NECTIN1: variants seen among roughly 807,000 people sequenced by gnomAD.
NECTIN1 encodes nectin cell adhesion molecule 1.
In NECTIN1, 23 loss-of-function variants were observed where a neutral mutation model predicts 48.0. The observed-to-expected ratio is 0.48, with a 90% CI of 0.34 to 0.68. The LOEUF (loss-of-function observed/expected upper bound fraction) is 0.68, where lower values mean the gene tolerates loss of function less well. Among genes scored for constraint, NECTIN1 ranks in the 30% least tolerant of loss-of-function variants. The pLI, the probability that NECTIN1 is intolerant of heterozygous loss-of-function variation, is 0.01. For missense variants in NECTIN1, 591 were observed against 709.9 expected, an observed-to-expected ratio of 0.83 and a Z score of 1.90; for synonymous variants, 270 against 288.9, an observed-to-expected ratio of 0.93 and a Z score of 0.66.
chr11:119,683,960 A>G lies in NECTIN1; in HGVS notation c.80-5195T>C, dbSNP rs994161945. On this transcript the variant is annotated intron_variant, in intron 1 of 5. Coordinates refer to ENST00000264025, the MANE Select transcript of NECTIN1 (RefSeq NM_002855.5). The surrounding 1 kb of genome is among the most constrained non-coding windows in gnomAD (Gnocchi z 4.0). ...CCCCCTGAGACGTCACAGACCTGCA[A>G]ACGCCTGAGCTCAGCAACAAAACAC... Among the ~76,000 whole-genome samples, 1 of 152,100 alleles carries G rather than the reference A, an allele frequency of 6.6e-6. No homozygotes were observed. The highest frequency in any genetic ancestry group is 2.4e-5 in the African/African-American group (1 of 41,416).
chr11:119,701,061 G>A lies in NECTIN1; in HGVS notation c.80-22296C>T, dbSNP rs559439605. 1.7e-4 allele frequency among the ~76,000 whole-genome samples: 26 copies of A among 152,276 alleles called. No individual in the cohort carries two copies. In the East Asian group the frequency reaches 4.8e-3, roughly 28 times the overall value. ...GGGTACGGGTGTGTGCTCAGGAGGG[G>A]AGGCTGGGGAGCAGGGTGCTTGCTC... On this transcript the variant is annotated intron_variant, in intron 1 of 5. Coordinates refer to ENST00000264025, the MANE Select transcript of NECTIN1 (RefSeq NM_002855.5).
chr11:119,707,861 A>C (rs573797713), intron 1 of NECTIN1, among the ~76,000 whole-genome samples: 2 of 152,334 alleles, frequency 1.3e-5, no homozygotes, highest in East Asian at 3.9e-4. Context: ...TTTAATTCAC[A>C]AAGCATTACT....
At chr11:119,674,586 C>A in intron 5 of NECTIN1, 4 of 1,614,202 alleles carry the variant, frequency 2.5e-6, no homozygotes, top group Non-Finnish European at 2.5e-6. Flanking sequence ...CAGGTGAAGT[C>A]TCTCCTCAGA....
At chr11:119,699,102 A>G (rs990374339) in intron 1 of NECTIN1, among the ~76,000 whole-genome samples, 28 of 152,160 alleles carry the variant, frequency 1.8e-4, no homozygotes, top group African/African-American at 6.5e-4. Context: ...GTAGGGGCCC[A>G]GGAGAGCTCT....
At chr11:119,703,656 C>T (rs759316554) in intron 1 of NECTIN1, among the ~76,000 whole-genome samples, 2 of 152,210 alleles carry the variant, frequency 1.3e-5, no homozygotes, top group African/African-American at 2.4e-5. Flanking sequence ...CTCCCAACAA[C>T]GAGGCTGACG....
In NECTIN1 at chr11:119,683,713, C is replaced by G. The variant is rs1270326659; in HGVS notation, c.80-4948G>C. On this transcript the variant is annotated intron_variant, in intron 1 of 5. Transcript: ENST00000264025. This position sits in a 1 kb window ranked among gnomAD's most constrained non-coding sequence, Gnocchi z 4.0. ...AACCTGTGCCCTCAGCAGAGGGGCT[C>G]TTGCATCCCACAGATATCAAAAGAA... Among the ~76,000 whole-genome samples, 5 of 151,920 alleles carry G rather than the reference C, an allele frequency of 3.3e-5. No individual in the cohort carries two copies. Among genetic ancestry groups the G allele is most frequent in the African/African-American group, 1.2e-4 (5 of 41,326 alleles).
intron 5 of NECTIN1, among the ~76,000 whole-genome samples, chr11:119,669,928 T>C (rs2135546183): frequency 6.6e-6 from 1 of 152,272 alleles, no homozygotes; most frequent in African/African-American, 2.4e-5. Context: ...TTACTCTCTT[T>C]TTTTCCTCCT....
intron 5 of NECTIN1, chr11:119,640,020 CAA>C: frequency 6.2e-7 from 1 of 1,606,976 alleles, no homozygotes; most frequent in Non-Finnish European, 8.5e-7. Flanking sequence ...TTTCTGGAAA[CAA>C]AAGACAGGGA....
intron 5 of NECTIN1, chr11:119,641,583 T>TC (rs35238069): frequency 0.13 from 20,081 of 152,088 alleles, 1,997 homozygotes; most frequent in African/African-American, 0.28. Context: ...CTCTCTTTCT[T>TC]CCCCTTCTTT....
chr11:119,689,746 T>C (rs1865219729), intron 1 of NECTIN1, among the ~76,000 whole-genome samples: 1 of 152,118 alleles, frequency 6.6e-6, no homozygotes, highest in Non-Finnish European at 1.5e-5. Flanking sequence ...CTCGAGAAGG[T>C]CTTGGTCTCA....
chr11:119,716,521 G>C (rs945773665), intron 1 of NECTIN1, among the ~76,000 whole-genome samples: 1 of 152,234 alleles, frequency 6.6e-6, no homozygotes, highest in African/African-American at 2.4e-5. Context: ...CGCTGACACA[G>C]GTAAGTCATA....
chr11:119,719,704 A>G (rs917592650), intron 1 of NECTIN1, among the ~76,000 whole-genome samples: 3 of 152,182 alleles, frequency 2.0e-5, no homozygotes, highest in Admixed American at 6.5e-5. Flanking sequence ...CTGGTCCCCT[A>G]TGCCAGGCCC....
At position 119,641,674 on chromosome 11, in the gene NECTIN1, G is replaced by GT. The variant is rs113105186; in HGVS notation, c.1004-1663dup. The GT allele has an allele frequency of 9.6e-4, 146 of 152,642 alleles. 1 individual carries two copies. Among genetic ancestry groups the GT allele is most frequent in the African/African-American group, 3.4e-3 (141 of 41,554 alleles). 9.5% of individuals were successfully genotyped at this position (152,642 alleles called of 1,614,324 possible). A position where few individuals can be genotyped will look rare whatever the true frequency, so the allele number is the denominator to read the frequency against. On this transcript the variant is annotated intron_variant, in intron 5 of 7. Transcript: ENST00000341398. ...TCCCTGCCTCCTCCACTGGAATGGG[G>GT]TTCCTCCTCTGGACTTCCCCTGCAC...
chr11:119,725,480 A>G (rs1467816458), intron 1 of NECTIN1, among the ~76,000 whole-genome samples: 1 of 152,190 alleles, frequency 6.6e-6, no homozygotes, highest in Non-Finnish European at 1.5e-5. Context: ...CTAGAATCCA[A>G]TTCCAAGGCA....
chr11:119,715,696 T>C (rs1298588718), intron 1 of NECTIN1, among the ~76,000 whole-genome samples: 1 of 152,100 alleles, frequency 6.6e-6, no homozygotes, highest in Admixed American at 6.5e-5. Flanking sequence ...TGAAGGAGAA[T>C]GCAGGCCCCT....
At chr11:119,659,807 G>A (rs1396894746), downstream of NECTIN1, among the ~76,000 whole-genome samples, 1 of 152,232 alleles carries the variant, frequency 6.6e-6, no homozygotes, top group Non-Finnish European at 1.5e-5. Flanking sequence ...AGGACGTTCT[G>A]TCCACTGCTC....
intron 1 of NECTIN1, among the ~76,000 whole-genome samples, chr11:119,720,005 G>A (rs183285635): frequency 1.3e-5 from 2 of 152,340 alleles, no homozygotes; most frequent in East Asian, 1.9e-4. Context: ...GCAGGAAAGC[G>A]CTGGGCATGG....
At chr11:119,651,975 A>C (rs1864498002) in intron 5 of NECTIN1, among the ~76,000 whole-genome samples, 3 of 152,122 alleles carry the variant, frequency 2.0e-5, no homozygotes, top group Admixed American at 2.0e-4. Context: ...CCTGGTGAGA[A>C]GTGGCAGAGC....
rs917423435 is a variant in NECTIN1 at position 119,672,135 on chromosome 11, C to G, written c.1003+3024G>C. ...GACCCTCACCTGCAAGGGATGAGCCCGGGCTTCACTGGAAATGTGAGTTGG... is the reference window on the plus strand; with the variant it reads ...GACCCTCACCTGCAAGGGATGAGCCGGGGCTTCACTGGAAATGTGAGTTGG... On this transcript the variant is annotated intron_variant, in intron 5 of 5. Coordinates refer to ENST00000264025, the MANE Select transcript of NECTIN1 (RefSeq NM_002855.5). This position sits in a 1 kb window ranked among gnomAD's most constrained non-coding sequence, Gnocchi z 4.3. Among the ~76,000 whole-genome samples the G allele has an allele frequency of 2.0e-5, 3 of 152,226 alleles. No individual in the cohort carries two copies. The highest frequency in any genetic ancestry group is 7.2e-5 in the African/African-American group (3 of 41,452).
Sources: gnomAD v4.1 joint callset for allele counts (sites outside exome capture counted in the v4.1 genomes callset) on GRCh38, gnomAD v4.1.1 for gene constraint, Gnocchi (gnomAD v3.1) non-coding constraint, MANE v1.5 for transcripts, NCBI Gene and HGNC (gene_info 2026-07-23, HGNC 2026-07-21) for gene names.